The following HMGA2 variants were observed in gnomAD, a reference collection of about 807,000 sequenced individuals.
The protein encoded by HMGA2 is high mobility group AT-hook 2, also known as high mobility group protein HMGI-C.
In HMGA2, 8 loss-of-function variants were observed where a neutral mutation model predicts 19.1. That is an observed-to-expected ratio of 0.42 (90% CI 0.25 to 0.76). The LOEUF is 0.76. HMGA2 is among the 30% of genes least tolerant of loss of function. The pLI is 0.28. For missense variants in HMGA2, 109 were observed against 136.3 expected (o/e 0.80, Z 1.00); for synonymous variants, 60 against 48.8 (o/e 1.23, Z -0.96).
rs1870120059 is a variant in HMGA2, at chr12:65,825,571, CGGG to C, written c.111+191_111+193del. Among the ~76,000 whole-genome samples, 1 of 150,716 alleles carries C rather than the reference CGGG, an allele frequency of 6.6e-6. No homozygotes were observed. Among genetic ancestry groups the C allele is most frequent in the Non-Finnish European group, 1.5e-5 (1 of 67,614 alleles). On this transcript the variant is annotated intron_variant, in intron 1 of 4. Transcript: ENST00000403681. The surrounding 1 kb of genome is among the most constrained non-coding windows in gnomAD (Gnocchi z 4.4). Reference sequence around the variant, plus strand: ...CGGCCCCGGGGCGCCAGCAACCCTCCGGGCGGGGAGGTGGGGAGCCGCGGCGGG... The same window carrying C: ...CGGCCCCGGGGCGCCAGCAACCCTCCCGGGGAGGTGGGGAGCCGCGGCGGG...
chr12:65,906,680 A>AC (rs1265591992), intron 3 of HMGA2, among the ~76,000 whole-genome samples: 5 of 152,198 alleles, frequency 3.3e-5, no homozygotes, highest in Admixed American at 2.6e-4. Context: ...GGTGGTACCC[A>AC]CTAGAAGGGT....
chr12:65,910,688 TAC>T (rs1275608969), intron 3 of HMGA2, among the ~76,000 whole-genome samples: 1 of 152,200 alleles, frequency 6.6e-6, no homozygotes, highest in Non-Finnish European at 1.5e-5. Context: ...AGACACTTTT[TAC>T]AGTTTTCTCC....
At chr12:65,908,306 G>T (rs1018198635) in intron 3 of HMGA2, among the ~76,000 whole-genome samples, 4 of 152,062 alleles carry the variant, frequency 2.6e-5, no homozygotes, top group Non-Finnish European at 5.9e-5. Flanking sequence ...GGCATGAGTT[G>T]TTCTCCTTAG....
chr12:65,833,011 C>T (rs984030966), intron 2 of HMGA2, among the ~76,000 whole-genome samples: 2 of 152,104 alleles, frequency 1.3e-5, no homozygotes, highest in African/African-American at 4.8e-5. Context: ...TGAAGATAAG[C>T]ATGTGCAAAA....
intron 3 of HMGA2, among the ~76,000 whole-genome samples, chr12:65,916,694 T>C (rs1875114775): frequency 6.6e-6 from 1 of 152,172 alleles, no homozygotes. Flanking sequence ...TTTTTTGACT[T>C]TGAGATAGTT....
chr12:65,851,653 C>G (rs995711320), intron 3 of HMGA2: 2 of 445,050 alleles, frequency 4.5e-6, no homozygotes, highest in Non-Finnish European at 9.0e-6. Context: ...AAGCGAGACT[C>G]TGTCTCAAAA....
chr12:65,915,461 C>A (rs1340000117), intron 3 of HMGA2: 30 of 1,239,032 alleles, frequency 2.4e-5, no homozygotes, highest in Non-Finnish European at 8.2e-6. Flanking sequence ...AGGGATCCAC[C>A]TTTTTGCAGA....
At chr12:65,863,597 C>A (rs946769737) in intron 3 of HMGA2, among the ~76,000 whole-genome samples, 1 of 152,220 alleles carries the variant, frequency 6.6e-6, no homozygotes, top group Non-Finnish European at 1.5e-5. Context: ...ACAACAATAT[C>A]CTTTGCATGG....
At position 65,824,713 on chromosome 12, in the gene HMGA2, T is replaced by TTCTCTTCTCTCTC; in HGVS notation, c.-553_-552insTCTCTCTCTCTCT. On this transcript the variant is annotated 5_prime_UTR_variant, in exon 1 of 5. Transcript: ENST00000403681. Reference sequence around the variant, plus strand: ...CCAAGGCACTTTCAATCTCAATCTCTTCTCTCTCTCTCTCTCTCTCTCTCT... The same window carrying TTCTCTTCTCTCTC: ...CCAAGGCACTTTCAATCTCAATCTCTTCTCTTCTCTCTCTCTCTCTCTCTCTCTCTCTCTCTCT... 2 of 141,660 alleles carry TTCTCTTCTCTCTC rather than the reference T, an allele frequency of 1.4e-5. No individual in the cohort carries two copies. Among genetic ancestry groups the TTCTCTTCTCTCTC allele is most frequent in the East Asian group, 1.6e-4 (2 of 12,492 alleles). 8.8% of individuals were successfully genotyped at this position (141,660 alleles called of 1,614,324 possible).
At chr12:65,842,839 G>A in intron 3 of HMGA2, 1 of 1,331,008 alleles carries the variant, frequency 7.5e-7, no homozygotes, top group Non-Finnish European at 9.6e-7. Flanking sequence ...CTAGTTTAGT[G>A]ATGGAAAGTA....
chr12:65,826,777 C>T (rs1463008140), intron 1 of HMGA2: 1 of 129,270 alleles, frequency 7.7e-6, no homozygotes, highest in East Asian at 2.1e-4. Flanking sequence ...ATTGCCCCCC[C>T]TCCAAAAAAA....
intron 3 of HMGA2, among the ~76,000 whole-genome samples, chr12:65,924,275 C>A (rs1875426081): frequency 6.6e-6 from 1 of 152,132 alleles, no homozygotes. Context: ...GACTTCTAAT[C>A]CCATTGTTCT....
intron 3 of HMGA2, among the ~76,000 whole-genome samples, chr12:65,915,690 C>A (rs1875073569): frequency 6.6e-6 from 1 of 152,188 alleles, no homozygotes; most frequent in African/African-American, 2.4e-5. Context: ...CCAGCTATTT[C>A]TTTGGATGCA....
chr12:65,831,897 T>A (rs915305282), intron 2 of HMGA2, among the ~76,000 whole-genome samples: 10 of 151,946 alleles, frequency 6.6e-5, no homozygotes, highest in African/African-American at 1.7e-4. Context: ...GACATTATTA[T>A]TGGTGAGTTA....
intron 3 of HMGA2, among the ~76,000 whole-genome samples, chr12:65,908,896 C>T (rs998291130): frequency 2.0e-5 from 3 of 152,116 alleles, no homozygotes; most frequent in Admixed American, 6.5e-5. Context: ...GACCTGAATT[C>T]CACTATAATT....
chr12:65,895,095 G>GA lies in HMGA2; in HGVS notation c.250-56283dup, dbSNP rs1463815276. ...TTTGCAATCACTTTACTACAGTTTT[G>GA]AAAAATGTTAGTGAATAGCTCTCCA... On this transcript the variant is annotated intron_variant, in intron 3 of 4. Coordinates refer to ENST00000403681, the MANE Select transcript of HMGA2 (RefSeq NM_003483.6). 2.0e-5 allele frequency among the ~76,000 whole-genome samples: 3 copies of GA among 152,096 alleles called. No homozygotes were observed. The East Asian group carries it at 5.8e-4, about 29-fold the overall frequency.
chr12:65,923,028 G>A (rs1875373868), intron 3 of HMGA2, among the ~76,000 whole-genome samples: 1 of 152,092 alleles, frequency 6.6e-6, no homozygotes, highest in Non-Finnish European at 1.5e-5. Context: ...TCTTGGGTAT[G>A]TCTTTATCAG....
intron 3 of HMGA2, among the ~76,000 whole-genome samples, chr12:65,895,169 G>T (rs920166324): frequency 3.3e-5 from 5 of 152,090 alleles, no homozygotes; most frequent in Non-Finnish European, 7.4e-5. Context: ...AGGAGAAAGG[G>T]GAGGAAAACC....
Position 65,866,967 on chromosome 12 carries a change from G to A in HMGA2, c.249+28398G>A, listed in dbSNP as rs144799607. 37 of 456,634 alleles carry A rather than the reference G, an allele frequency of 8.1e-5. No individual in the cohort carries two copies. In the East Asian group the frequency reaches 2.0e-3, roughly 25 times the overall value. 28.3% of individuals were successfully genotyped at this position (456,634 alleles called of 1,614,324 possible). On this transcript the variant is annotated intron_variant, in intron 3 of 4. Coordinates refer to ENST00000403681, the MANE Select transcript of HMGA2 (RefSeq NM_003483.6). ...TCCCATCTTGACACTGGTAGAGAGA[G>A]AGATTGAGAGATTGAAGGGGGAGAA...
Sources: allele counts gnomAD v4.1 joint callset (sites outside exome capture counted in the v4.1 genomes callset), GRCh38; gene constraint gnomAD v4.1.1; non-coding constraint Gnocchi (gnomAD v3.1); transcripts MANE v1.5; gene names NCBI Gene and HGNC (gene_info 2026-07-23, HGNC 2026-07-21).